RYR2: variants seen among roughly 807,000 people sequenced by gnomAD.
The protein encoded by RYR2 is ryanodine receptor 2, also known as cardiac muscle ryanodine receptor-calcium release channel.
Under a neutral mutation model 601.1 loss-of-function variants are expected in RYR2, and 227 were observed. That is an observed-to-expected ratio of 0.38 (90% CI 0.34 to 0.42). The LOEUF (loss-of-function observed/expected upper bound fraction) is 0.42, where lower values mean the gene tolerates loss of function less well. RYR2 is among the 10% of genes least tolerant of loss of function. The pLI, the probability that RYR2 is intolerant of heterozygous loss-of-function variation, is 1.00. For missense variants in RYR2, 4,646 were observed against 6,156.5 expected, an observed-to-expected ratio of 0.75 and a Z score of 8.21; for synonymous variants, 2,223 against 2,175.1, an observed-to-expected ratio of 1.02 and a Z score of -0.61.
At chr1:237,536,841 G>C (rs991964736) in intron 25 of RYR2, among the ~76,000 whole-genome samples, 8 of 151,178 alleles carry the variant, frequency 5.3e-5, no homozygotes, top group African/African-American at 1.5e-4. Flanking sequence ...AGCCGAGATC[G>C]CGCCACTGCA....
At chr1:237,738,157 G>C (rs1436886111) in intron 79 of RYR2, among the ~76,000 whole-genome samples, 2 of 152,152 alleles carry the variant, frequency 1.3e-5, no homozygotes, top group Non-Finnish European at 2.9e-5. Flanking sequence ...TTAAGAGACT[G>C]TTGTATGTGT....
At chr1:237,510,146 G>A (rs906401611) in intron 23 of RYR2, among the ~76,000 whole-genome samples, 3 of 152,226 alleles carry the variant, frequency 2.0e-5, no homozygotes, top group African/African-American at 7.2e-5. Flanking sequence ...AGAGCCTGGA[G>A]GCAGGAAGAG....
intron 6 of RYR2, among the ~76,000 whole-genome samples, chr1:237,372,693 A>G (rs1413371125): frequency 2.0e-5 from 3 of 152,250 alleles, no homozygotes; most frequent in African/African-American, 7.2e-5. Context: ...TTTTAAGACA[A>G]CTACTCTCTA....
chr1:237,149,708 T>A (rs1674489870), intron 1 of RYR2, among the ~76,000 whole-genome samples: 2 of 152,346 alleles, frequency 1.3e-5, no homozygotes, highest in South Asian at 4.1e-4. Flanking sequence ...TATTTTGACT[T>A]CTCCGTTAAT....
rs78602635 is a variant in RYR2, at chr1:237,403,851, C to T, written c.774-13198C>T. On this transcript the variant is annotated intron_variant, in intron 10 of 104. Coordinates refer to ENST00000366574, the MANE Select transcript of RYR2 (RefSeq NM_001035.3). ...ATATGTAACTTTGGAGGTATAGAAA[C>T]GGAAAAAAAGCCACAGAAAGATAAA... Among the ~76,000 whole-genome samples, 246 of 151,690 alleles carry T rather than the reference C, an allele frequency of 1.6e-3. 4 individuals carry two copies. In the East Asian group the frequency reaches 0.037, roughly 23 times the overall value.
At chr1:237,277,640 A>G (rs932005184) in intron 2 of RYR2, among the ~76,000 whole-genome samples, 13 of 152,042 alleles carry the variant, frequency 8.6e-5, no homozygotes, top group Non-Finnish European at 1.5e-4. Context: ...GTCTCTAAAG[A>G]CCAGACCCTG....
At chr1:237,549,727 G>T (rs1380229133) in intron 26 of RYR2, among the ~76,000 whole-genome samples, 3 of 135,086 alleles carry the variant, frequency 2.2e-5, no homozygotes, top group Non-Finnish European at 3.1e-5. Context: ...ATTGAGAATT[G>T]ATTATGCTTC....
intron 2 of RYR2, among the ~76,000 whole-genome samples, chr1:237,314,063 C>A (rs868559007): frequency 1.2e-5 from 1 of 82,348 alleles, no homozygotes; most frequent in Non-Finnish European, 2.1e-5. Flanking sequence ...ACATGAATTT[C>A]TTTTTTTTTT....
At chr1:237,327,357 C>T (rs975973212) in intron 2 of RYR2, among the ~76,000 whole-genome samples, 5 of 152,168 alleles carry the variant, frequency 3.3e-5, no homozygotes, top group African/African-American at 1.2e-4. Context: ...AGGCTCATTA[C>T]TCTGTGGAAA....
chr1:237,057,672 A>G (rs1385481935), intron 1 of RYR2, among the ~76,000 whole-genome samples: 1 of 152,094 alleles, frequency 6.6e-6, no homozygotes, highest in East Asian at 1.9e-4. Context: ...AGGAAGGGTA[A>G]AAGTTAGGGA....
intron 77 of RYR2, 141 bp from the exon 78 acceptor site, chr1:237,731,905 C>CAG: frequency 3.4e-6 from 2 of 587,658 alleles, no homozygotes; most frequent in Non-Finnish European, 6.1e-6. Flanking sequence ...CACACACACA[C>CAG]ACACACACAC....
intron 12 of RYR2, among the ~76,000 whole-genome samples, chr1:237,426,613 A>T (rs1029436748): frequency 3.9e-5 from 6 of 152,244 alleles, no homozygotes; most frequent in Non-Finnish European, 8.8e-5. Context: ...CATTCAGCTT[A>T]TTGACAATAA....
chr1:237,382,362 CTTT>C (rs528908529), intron 8 of RYR2, among the ~76,000 whole-genome samples: 1 of 152,102 alleles, frequency 6.6e-6, no homozygotes, highest in Non-Finnish European at 1.5e-5. Context: ...CTCTAAATTT[CTTT>C]TTTTATTTTT....
intron 80 of RYR2, among the ~76,000 whole-genome samples, chr1:237,750,501 T>G (rs1692453220): frequency 6.6e-6 from 1 of 150,862 alleles, no homozygotes; most frequent in African/African-American, 2.4e-5. Context: ...ATAATGAACT[T>G]TATATAATTT....
chr1:237,742,303 A>G lies in RYR2; in HGVS notation c.11099A>G (p.His3700Arg). 6.5e-7 allele frequency: 1 copy of G among 1,546,974 alleles called. No individual in the cohort carries two copies. The highest frequency in any genetic ancestry group is 8.8e-7 in the Non-Finnish European group (1 of 1,142,096). Reference protein sequence around the residue: ...AYADIMAKSCHDEEDDDGEEE... With the variant: ...AYADIMAKSCRDEEDDDGEEE... Reference sequence around the variant, plus strand: ...TTTTTTTTAAATATACAGAGTTGTCATGATGAGGAAGATGACGATGGTGAA... The same window carrying G: ...TTTTTTTTAAATATACAGAGTTGTCGTGATGAGGAAGATGACGATGGTGAA... The change falls in exon 80 of 105, where the codon CAT becomes CGT. Residue 3700 changes from histidine to arginine, a missense_variant. Physicochemically the swap from His to Arg is conservative, Grantham distance 29 (BLOSUM62 0). Around this residue, in one of 17 missense-constraint regions of RYR2, gnomAD observed 1,497 missense variants for 1,842.6 expected, o/e 0.81. Coordinates refer to ENST00000366574, the MANE Select transcript of RYR2 (RefSeq NM_001035.3).
At chr1:237,293,707 T>G (rs1692470669) in intron 2 of RYR2, among the ~76,000 whole-genome samples, 1 of 152,190 alleles carries the variant, frequency 6.6e-6, no homozygotes, top group Non-Finnish European at 1.5e-5. Context: ...ATGGAAGAGA[T>G]GCCTAGGGCA....
At chr1:237,232,955 G>T (rs892315249) in intron 1 of RYR2, among the ~76,000 whole-genome samples, 2 of 152,224 alleles carry the variant, frequency 1.3e-5, no homozygotes, top group African/African-American at 4.8e-5. Flanking sequence ...ATGCTGGAAT[G>T]ATAGGAAATT....
At chr1:237,234,649 A>T (rs768544371) in intron 1 of RYR2, among the ~76,000 whole-genome samples, 2 of 152,232 alleles carry the variant, frequency 1.3e-5, no homozygotes, top group African/African-American at 2.4e-5. Context: ...TCTTTTTGTT[A>T]TGATTATTAA....
chr1:237,628,095 T>A lies in RYR2; in HGVS notation c.6440+15T>A. ...CGTGGATTAGGGTAAATTATTTAAC[T>A]ACTACAACCCTTTGTCTCGTAAATG... is the stretch of plus-strand genomic sequence containing the variant. On this transcript the variant is annotated intron_variant, in intron 41 of 104. Coordinates refer to ENST00000366574, the MANE Select transcript of RYR2 (RefSeq NM_001035.3). 1 of 1,611,990 alleles carries A rather than the reference T, an allele frequency of 6.2e-7. No homozygotes were observed. The highest frequency in any genetic ancestry group is 1.3e-5 in the African/African-American group (1 of 74,998).
Sources: gnomAD v4.1 joint callset for allele counts (sites outside exome capture counted in the v4.1 genomes callset) on GRCh38, gnomAD v4.1.1 for gene constraint, gnomAD v4.1.1 regional missense constraint, MANE v1.5 for transcripts, NCBI Gene and HGNC (gene_info 2026-07-23, HGNC 2026-07-21) for gene names.